Variants in MACROD2 observed in about 807,000 individuals in gnomAD.
MACROD2 encodes the protein ADP-ribose glycohydrolase MACROD2.
Under a neutral mutation model 70.4 loss-of-function variants are expected in MACROD2, and 36 were observed. The observed-to-expected ratio is 0.51, with a 90% CI of 0.39 to 0.68. The LOEUF (loss-of-function observed/expected upper bound fraction) is 0.68. MACROD2 is among the 30% of genes least tolerant of loss of function. MACROD2 has a pLI of 0.00. For synonymous variants in MACROD2, 172 were observed against 178.8 expected (o/e 0.96, Z 0.30); for missense variants, 496 against 538.4 (o/e 0.92, Z 0.78).
chr20:15,223,066 G>C (rs961909026), intron 5 of MACROD2, among the ~76,000 whole-genome samples: 2 of 152,134 alleles, frequency 1.3e-5, no homozygotes, highest in African/African-American at 4.8e-5. Flanking sequence ...AGTGCAAAGT[G>C]GTGCGATAGT....
At chr20:15,439,271 A>G (rs1006737195) in intron 7 of MACROD2, among the ~76,000 whole-genome samples, 4 of 152,128 alleles carry the variant, frequency 2.6e-5, no homozygotes, top group African/African-American at 7.2e-5. Context: ...TTTGCTTTGG[A>G]GTTACCTTCA....
At chr20:15,754,247 T>G (rs1468775931) in intron 8 of MACROD2, among the ~76,000 whole-genome samples, 1 of 152,248 alleles carries the variant, frequency 6.6e-6, no homozygotes, top group African/African-American at 2.4e-5. Flanking sequence ...TGTTTTTATC[T>G]TTCCTTTTAC....
intron 6 of MACROD2, among the ~76,000 whole-genome samples, chr20:15,362,071 G>A (rs1057105006): frequency 1.3e-4 from 20 of 151,060 alleles, no homozygotes; most frequent in African/African-American, 4.6e-4. Context: ...GAGTGCAGTG[G>A]TGTGATCTCA....
intron 5 of MACROD2, among the ~76,000 whole-genome samples, chr20:14,943,911 T>C (rs577646124): frequency 6.6e-6 from 1 of 152,196 alleles, no homozygotes; most frequent in Non-Finnish European, 1.5e-5. Context: ...CTACTTTTGT[T>C]ACAAGAGGAT....
At chr20:15,098,445 A>G (rs1209783294) in intron 5 of MACROD2, among the ~76,000 whole-genome samples, 2 of 151,904 alleles carry the variant, frequency 1.3e-5, no homozygotes, top group African/African-American at 2.4e-5. Flanking sequence ...TGGAGGACAG[A>G]CCCTCTGGGA....
At chr20:14,364,042 A>T in intron 3 of MACROD2, among the ~76,000 whole-genome samples, 1 of 151,980 alleles carries the variant, frequency 6.6e-6, no homozygotes, top group Non-Finnish European at 1.5e-5. Flanking sequence ...GGGCATGGGT[A>T]TTAGTGTTTT....
chr20:14,820,623 T>G (rs1371158620), intron 5 of MACROD2, among the ~76,000 whole-genome samples: 2 of 151,974 alleles, frequency 1.3e-5, no homozygotes, highest in African/African-American at 4.8e-5. Context: ...GTATAGTGGG[T>G]TTTGGTGTTT....
In MACROD2 at chr20:15,938,850, C is replaced by T. The variant is rs577438629; in HGVS notation, c.907+1306C>T. Among the ~76,000 whole-genome samples the T allele has an allele frequency of 3.3e-5, 5 of 152,282 alleles. No homozygotes were observed. The South Asian group carries it at 1.0e-3, about 32-fold the overall frequency. On this transcript the variant is annotated intron_variant, in intron 12 of 17. Coordinates refer to ENST00000684519, the MANE Select transcript of MACROD2 (RefSeq NM_001351661.2). ...ATGTTCTTGAAGGAAATTAAAAGTG[C>T]TACTCCAGTGGACACATGAATGATA...
At chr20:15,904,894 A>T (rs1353775650) in intron 10 of MACROD2, among the ~76,000 whole-genome samples, 1 of 87,966 alleles carries the variant, frequency 1.1e-5, no homozygotes, top group Admixed American at 1.1e-4. Flanking sequence ...AAAAAAAAAA[A>T]AAAAAAAAAA....
intron 8 of MACROD2, among the ~76,000 whole-genome samples, chr20:15,834,486 T>G (rs1413468993): frequency 6.6e-6 from 1 of 152,250 alleles, no homozygotes; most frequent in Non-Finnish European, 1.5e-5. Context: ...TTTCATTGCC[T>G]TATCCGTTGC....
intron 4 of MACROD2, among the ~76,000 whole-genome samples, chr20:14,501,794 T>A (rs1048182759): frequency 3.3e-5 from 5 of 152,132 alleles, no homozygotes; most frequent in Admixed American, 6.5e-5. Context: ...TTGGTAAAAA[T>A]TCTAGGCTCT....
At chr20:14,531,242 C>T (rs180767859) in intron 4 of MACROD2, among the ~76,000 whole-genome samples, 4 of 152,164 alleles carry the variant, frequency 2.6e-5, no homozygotes, top group South Asian at 2.1e-4. Flanking sequence ...ATGGTCTCTG[C>T]GGATACAATT....
intron 8 of MACROD2, among the ~76,000 whole-genome samples, chr20:15,861,507 G>A (rs1208371130): frequency 4.6e-5 from 7 of 151,884 alleles, no homozygotes; most frequent in Non-Finnish European, 7.4e-5. Context: ...TCCATTTCCC[G>A]TTTCCCTTAT....
chr20:15,275,235 A>AAAAC (rs768107927), intron 6 of MACROD2, among the ~76,000 whole-genome samples: 2 of 152,214 alleles, frequency 1.3e-5, no homozygotes, highest in African/African-American at 4.8e-5. Flanking sequence ...AACAACAACA[A>AAAAC]AAACAAACAA....
chr20:15,517,669 G>A (rs967569499), intron 8 of MACROD2, among the ~76,000 whole-genome samples: 4 of 152,152 alleles, frequency 2.6e-5, no homozygotes, highest in Non-Finnish European at 4.4e-5. Context: ...AGCAATCAGC[G>A]ACAAAGATGC....
At chr20:14,515,723 G>A (rs1022904436) in intron 4 of MACROD2, among the ~76,000 whole-genome samples, 9 of 151,398 alleles carry the variant, frequency 5.9e-5, no homozygotes, top group African/African-American at 1.9e-4. Context: ...GAGAGAAGAG[G>A]AGCTGTTGAT....
Position 14,575,093 on chromosome 20 carries a change from A to G in MACROD2, c.301+81585A>G, listed in dbSNP as rs530549594. ...ACCCCTTTCCACTTTTAAAAATGAT[A>G]GAAAACTGCAAAGAGTTTTGTTTAT... On this transcript the variant is annotated intron_variant, in intron 4 of 17. Coordinates refer to ENST00000684519, the MANE Select transcript of MACROD2 (RefSeq NM_001351661.2). 3.3e-5 allele frequency among the ~76,000 whole-genome samples: 5 copies of G among 151,674 alleles called. No homozygotes were observed. In the South Asian group the frequency reaches 6.2e-4, roughly 19 times the overall value.
chr20:14,372,237 A>G (rs940738323), intron 3 of MACROD2, among the ~76,000 whole-genome samples: 1 of 152,184 alleles, frequency 6.6e-6, no homozygotes, highest in Non-Finnish European at 1.5e-5. Flanking sequence ...ATTTTACTAG[A>G]AAAAACATTT....
intron 5 of MACROD2, among the ~76,000 whole-genome samples, chr20:14,907,505 G>A (rs80029001): frequency 0.013 from 1,946 of 152,332 alleles, 36 homozygotes; most frequent in South Asian, 0.043. Context: ...CCAGGAGGGA[G>A]TGATCAGTCT....
Sources: allele counts gnomAD v4.1 joint callset (sites outside exome capture counted in the v4.1 genomes callset), GRCh38; gene constraint gnomAD v4.1.1; transcripts MANE v1.5; gene names NCBI Gene and HGNC (gene_info 2026-07-23, HGNC 2026-07-21).